The following COL5A1 variants were observed in gnomAD, a reference collection of about 807,000 sequenced individuals.
COL5A1 encodes collagen type V alpha 1 chain.
COL5A1 carries 16 observed loss-of-function variants against 263.7 expected under a neutral mutation model. That is an observed-to-expected ratio of 0.06 (90% CI 0.04 to 0.09). The LOEUF (loss-of-function observed/expected upper bound fraction) is 0.09. Ranked by LOEUF, COL5A1 falls within the 10% of genes least tolerant of loss-of-function variation. The pLI, the probability that COL5A1 is intolerant of heterozygous loss-of-function variation, is 1.00. For missense variants in COL5A1, 2,036 were observed against 2,540.5 expected, an observed-to-expected ratio of 0.80 and a Z score of 4.27; for synonymous variants, 1,012 against 1,004.5, an observed-to-expected ratio of 1.01 and a Z score of -0.14.
rs1301386700 is a variant in COL5A1, at chr9:134,708,892, C to G, written c.654+7559C>G. ...GGGACTCTGCCTGCCGCTTCCAGCCCCGGGTGGCCCCAGACACTCCTTGGC... is the reference window on the plus strand; with the variant it reads ...GGGACTCTGCCTGCCGCTTCCAGCCGCGGGTGGCCCCAGACACTCCTTGGC... On this transcript the variant is annotated intron_variant, in intron 4 of 65. Transcript: ENST00000371817. 2.4e-5 allele frequency: 11 copies of G among 456,592 alleles called. 1 individual carries two copies. The highest frequency in any genetic ancestry group is 1.5e-4 in the South Asian group (10 of 64,574). The allele number at this position is 456,592 out of a possible 1,614,324, so 28.3% of individuals were successfully genotyped here.
At chr9:134,644,203 G>T (rs553151199) in intron 1 of COL5A1, among the ~76,000 whole-genome samples, 1 of 143,538 alleles carries the variant, frequency 7.0e-6, no homozygotes, top group East Asian at 2.1e-4. Context: ...CAGGCGCTGG[G>T]GGGAGGGGGC....
intron 1 of COL5A1, among the ~76,000 whole-genome samples, chr9:134,650,537 G>A (rs1175947764): frequency 1.3e-5 from 2 of 152,258 alleles, no homozygotes; most frequent in South Asian, 2.1e-4. Context: ...CGCTGCGGCG[G>A]GGGAGTCAGC....
chr9:134,721,001 C>A (rs1257477265), intron 4 of COL5A1, among the ~76,000 whole-genome samples: 1 of 152,136 alleles, frequency 6.6e-6, no homozygotes, highest in African/African-American at 2.4e-5. Flanking sequence ...CCCGCCAGAC[C>A]CACCACATGG....
intron 27 of COL5A1, among the ~76,000 whole-genome samples, chr9:134,777,903 G>T (rs1217957875): frequency 6.6e-6 from 1 of 152,216 alleles, no homozygotes; most frequent in Non-Finnish European, 1.5e-5. Context: ...TGCTGAGCAG[G>T]CTCAACCCTG....
chr9:134,744,536 C>G (rs1835413082), intron 11 of COL5A1, among the ~76,000 whole-genome samples: 1 of 151,698 alleles, frequency 6.6e-6, no homozygotes, highest in Admixed American at 6.6e-5. Context: ...CATGCACACT[C>G]ACACCCACAC....
At position 134,652,245 on chromosome 9, in the gene COL5A1, G is replaced by A. The variant is rs539872274; in HGVS notation, c.109+9949G>A. Among the ~76,000 whole-genome samples, 1 of 152,326 alleles carries A rather than the reference G, an allele frequency of 6.6e-6. No individual in the cohort carries two copies. Among genetic ancestry groups the A allele is most frequent in the South Asian group, 2.1e-4 (1 of 4,828 alleles). ...GTCAAAAAGTACTGCTTGAGCAGTG[G>A]AGATACTCAGCTGAAGGTTGAGAAC... On this transcript the variant is annotated intron_variant, in intron 1 of 65. Coordinates refer to ENST00000371817, the MANE Select transcript of COL5A1 (RefSeq NM_000093.5). This position sits in a 1 kb window ranked among gnomAD's most constrained non-coding sequence, Gnocchi z 4.4.
chr9:134,839,331 G>A (rs1446549314), intron 65 of COL5A1, among the ~76,000 whole-genome samples: 2 of 152,192 alleles, frequency 1.3e-5, no homozygotes, highest in Non-Finnish European at 2.9e-5. Context: ...TAACAGAGCG[G>A]CTCGCAGCGG....
chr9:134,826,200 G>A (rs745622484), intron 63 of COL5A1, among the ~76,000 whole-genome samples: 13 of 152,166 alleles, frequency 8.5e-5, no homozygotes, highest in Non-Finnish European at 1.6e-4. Flanking sequence ...GCTTTTCTCC[G>A]GTGACTCAGT....
chr9:134,691,055 G>A lies in COL5A1; in HGVS notation c.253G>A (p.Ala85Thr), dbSNP rs756903629. 2 of 1,613,434 alleles carry A rather than the reference G, an allele frequency of 1.2e-6. No individual in the cohort carries two copies. Among genetic ancestry groups the A allele is most frequent in the Admixed American group, 1.7e-5 (1 of 60,026 alleles). ...AGTCACCAAAGACGCGCAGCTCAGC[G>A]CACCCACCAAGCAGCTGTACCCTGG... ...YRVTKDAQLSAPTKQLYPASA... is the reference protein window; with the variant it reads ...YRVTKDAQLSTPTKQLYPASA... The change falls in exon 2 of 66, where the codon GCA becomes ACA. Residue 85 changes from alanine (A) to threonine (T), a missense_variant. Ala to Thr is a moderately conservative substitution (Grantham distance 58). Coordinates refer to ENST00000371817, the MANE Select transcript of COL5A1 (RefSeq NM_000093.5).
At chr9:134,830,154 G>A in intron 64 of COL5A1, 110 bp downstream of exon 64, 1 of 1,611,670 alleles carries the variant, frequency 6.2e-7, no homozygotes, top group Non-Finnish European at 8.5e-7. Context: ...ACCTGGTATA[G>A]TCAGTACAAG....
rs1335292878 is a variant in COL5A1, at chr9:134,741,246, C to T, written c.1494+2438C>T. ...GTCTCTGCCCTCGGAGGTTGAGCAT[C>T]TGGGGCCTCCAAAAGACAGATTAAC... On this transcript the variant is annotated intron_variant, in intron 11 of 65. Coordinates refer to ENST00000371817, the MANE Select transcript of COL5A1 (RefSeq NM_000093.5). The surrounding 1 kb of genome is among the most constrained non-coding windows in gnomAD (Gnocchi z 4.5). 1.3e-5 allele frequency among the ~76,000 whole-genome samples: 2 copies of T among 152,338 alleles called. No individual in the cohort carries two copies. The highest frequency in any genetic ancestry group is 3.9e-4 in the East Asian group (2 of 5,184).
In COL5A1 at chr9:134,754,887, C is replaced by T. The variant is rs1338549614; in HGVS notation, c.1827+561C>T. On this transcript the variant is annotated intron_variant, in intron 16 of 65. Transcript: ENST00000371817. The surrounding 1 kb of genome is among the most constrained non-coding windows in gnomAD (Gnocchi z 4.3). ...GCCCTGGGAGCCCAGATTGTGCTCT[C>T]AAAAGTGGACCTTTTCAACCAGCAG... is the stretch of plus-strand genomic sequence containing the variant. Among the ~76,000 whole-genome samples, 1 of 152,096 alleles carries T rather than the reference C, an allele frequency of 6.6e-6. No individual in the cohort carries two copies. The highest frequency in any genetic ancestry group is 2.4e-5 in the African/African-American group (1 of 41,406).
At chr9:134,693,171 AG>A (rs1329285519) in intron 2 of COL5A1, among the ~76,000 whole-genome samples, 1 of 152,164 alleles carries the variant, frequency 6.6e-6, no homozygotes, top group Non-Finnish European at 1.5e-5. Flanking sequence ...ATCCCTGAGC[AG>A]GGCTCTTATC....
intron 4 of COL5A1, chr9:134,708,481 G>A (rs1215256621): frequency 2.1e-6 from 1 of 466,170 alleles, no homozygotes; most frequent in Non-Finnish European, 4.3e-6. Flanking sequence ...TAGGTCCTCG[G>A]TCCAAGACCC....
chr9:134,797,058 G>A (rs1422049723), intron 36 of COL5A1, among the ~76,000 whole-genome samples, 157 bp downstream of exon 36: 2 of 152,240 alleles, frequency 1.3e-5, no homozygotes, highest in Non-Finnish European at 2.9e-5. Flanking sequence ...TGGCTGGTCA[G>A]ATGAGGGGGA....
At chr9:134,661,091 G>A (rs1222124086) in intron 1 of COL5A1, among the ~76,000 whole-genome samples, 1 of 151,902 alleles carries the variant, frequency 6.6e-6, no homozygotes, top group Non-Finnish European at 1.5e-5. Flanking sequence ...TGGCAGAGGT[G>A]GGGTATGCTG....
At chr9:134,644,213 C>T (rs1275369386) in intron 1 of COL5A1, among the ~76,000 whole-genome samples, 5 of 106,558 alleles carry the variant, frequency 4.7e-5, no homozygotes, top group Admixed American at 4.3e-4. Flanking sequence ...GGGGAGGGGG[C>T]GGCTGTCCAC....
At position 134,731,621 on chromosome 9, in the gene COL5A1, C is replaced by A; in HGVS notation, c.1290C>A (p.Ile430=). Reference sequence around the variant, plus strand: ...ACCCCACCAGCTCCCCGTCGGAGATCGGGCCGGGAATGCCGGCGAACCAGG... The same window carrying A: ...ACCCCACCAGCTCCCCGTCGGAGATAGGGCCGGGAATGCCGGCGAACCAGG... ...YYDPTSSPSE[I]GPGMPANQDT... Residue 430 remains isoleucine (I), a synonymous_variant, in exon 8 of 66, where the codon ATC becomes ATA. Coordinates refer to ENST00000371817, the MANE Select transcript of COL5A1 (RefSeq NM_000093.5). 2 of 1,614,104 alleles carry A rather than the reference C, an allele frequency of 1.2e-6. No individual in the cohort carries two copies. Among genetic ancestry groups the A allele is most frequent in the South Asian group, 1.1e-5 (1 of 91,088 alleles).
chr9:134,704,656 A>C (rs1001627027), intron 4 of COL5A1, among the ~76,000 whole-genome samples: 4 of 152,094 alleles, frequency 2.6e-5, no homozygotes, highest in African/African-American at 9.7e-5. Context: ...ACAAGTTGTT[A>C]ATGGTCTGGA....
Sources: allele counts gnomAD v4.1 joint callset (sites outside exome capture counted in the v4.1 genomes callset), GRCh38; gene constraint gnomAD v4.1.1; non-coding constraint Gnocchi (gnomAD v3.1); transcripts MANE v1.5; gene names NCBI Gene and HGNC (gene_info 2026-07-23, HGNC 2026-07-21).